Variants in ZNF536 observed in about 807,000 individuals in gnomAD.
ZNF536 encodes zinc finger protein 536.
A neutral mutation model predicts 84.5 loss-of-function variants in ZNF536; 13 were observed. The ratio of observed to expected loss-of-function variants is 0.15; its 90% CI spans 0.10 to 0.24. ZNF536 has a LOEUF of 0.24. Ranked by LOEUF, ZNF536 falls within the 10% of genes least tolerant of loss-of-function variation. ZNF536 has a pLI of 1.00. For missense variants in ZNF536, 1,536 were observed against 1,747.5 expected (o/e 0.88, Z 2.16); for synonymous variants, 811 against 742.5 (o/e 1.09, Z -1.50).
At chr19:30,341,169 C>T (rs1174344915) in intron 2 of ZNF536, among the ~76,000 whole-genome samples, 1 of 152,190 alleles carries the variant, frequency 6.6e-6, no homozygotes, top group Admixed American at 6.5e-5. Flanking sequence ...CATTCTGATG[C>T]ATCATACTGT....
At chr19:30,370,407 ACCAATGCG>A (rs1458827042), upstream of ZNF536, among the ~76,000 whole-genome samples, 1 of 152,118 alleles carries the variant, frequency 6.6e-6, no homozygotes, top group Non-Finnish European at 1.5e-5. Context: ...TCTTTGGGGA[ACCAATGCG>A]CCATAAACAT....
chr19:30,524,262 T>C (rs999249087), intron 2 of ZNF536, among the ~76,000 whole-genome samples: 7 of 152,210 alleles, frequency 4.6e-5, no homozygotes, highest in Non-Finnish European at 1.0e-4. Context: ...AGAGTATGTA[T>C]TATGTATGGT....
intron 1 of ZNF536, among the ~76,000 whole-genome samples, chr19:30,277,735 G>T (rs1215369285): frequency 6.6e-6 from 1 of 152,242 alleles, no homozygotes; most frequent in Non-Finnish European, 1.5e-5. Context: ...CGTGTCCGTT[G>T]TGGGACCCTG....
intron 1 of ZNF536, among the ~76,000 whole-genome samples, chr19:30,617,495 C>T (rs552759078): frequency 5.9e-5 from 9 of 151,500 alleles, no homozygotes; most frequent in Admixed American, 2.0e-4. Context: ...GGACGACAGG[C>T]GCCTGCCACC....
chr19:30,347,794 C>A (rs2047796424), intron 2 of ZNF536, among the ~76,000 whole-genome samples: 2 of 152,204 alleles, frequency 1.3e-5, no homozygotes, highest in African/African-American at 4.8e-5. Context: ...CCTTTCCTGA[C>A]ACTGCAAGGG....
chr19:30,434,571 A>C (rs1040076879), intron 1 of ZNF536, among the ~76,000 whole-genome samples: 12 of 152,226 alleles, frequency 7.9e-5, no homozygotes, highest in African/African-American at 2.9e-4. Context: ...CATCTTTTGT[A>C]TTGGAATAAC....
At chr19:30,511,082 T>A (rs755439984) in intron 2 of ZNF536, among the ~76,000 whole-genome samples, 17 of 152,196 alleles carry the variant, frequency 1.1e-4, no homozygotes, top group Non-Finnish European at 2.1e-4. Context: ...GTTTCAAGCA[T>A]CTTCAGTTTT....
intron 2 of ZNF536, among the ~76,000 whole-genome samples, chr19:30,523,714 A>C: frequency 6.6e-6 from 1 of 151,898 alleles, no homozygotes; most frequent in Non-Finnish European, 1.5e-5. Context: ...TGCACCTGGC[A>C]GTCAGGCACC....
At chr19:30,482,612 A>C (rs1165999149) in intron 2 of ZNF536, among the ~76,000 whole-genome samples, 1 of 152,058 alleles carries the variant, frequency 6.6e-6, no homozygotes, top group African/African-American at 2.4e-5. Flanking sequence ...TTTTAAAAAT[A>C]TTCCTTCATT....
rs543509106 is a variant in ZNF536 at position 30,518,482 on chromosome 19, T to C, written c.2171-16365T>C. Among the ~76,000 whole-genome samples, 10 of 152,330 alleles carry C rather than the reference T, an allele frequency of 6.6e-5. No homozygotes were observed. The South Asian group carries it at 2.1e-3, about 32-fold the overall frequency. The stretch of plus-strand genomic sequence containing the variant: ...TGAGGAAATGTATTCCTGTGCAATT[T>C]TCCCCGAAGGAGAAGTCAGAGGATA... On this transcript the variant is annotated intron_variant, in intron 2 of 4. Coordinates refer to ENST00000355537, the MANE Select transcript of ZNF536 (RefSeq NM_014717.3).
intron 1 of ZNF536, among the ~76,000 whole-genome samples, chr19:30,671,827 C>G (rs1366669675): frequency 1.3e-5 from 2 of 152,194 alleles, no homozygotes; most frequent in African/African-American, 2.4e-5. Context: ...TGGGAGGCTG[C>G]CAAGATCCTT....
chr19:30,631,074 T>G (rs1248443071), intron 1 of ZNF536, among the ~76,000 whole-genome samples: 2 of 152,266 alleles, frequency 1.3e-5, no homozygotes, highest in African/African-American at 4.8e-5. Context: ...CTGCAAGGGC[T>G]CCTGGAGCGG....
chr19:30,663,594 T>C (rs1267802868), intron 1 of ZNF536, among the ~76,000 whole-genome samples: 1 of 152,246 alleles, frequency 6.6e-6, no homozygotes, highest in African/African-American at 2.4e-5. Flanking sequence ...GATTTTATAA[T>C]ACTTATAAGC....
chr19:30,445,221 A>G lies in ZNF536; in HGVS notation c.1659A>G (p.Ala553=). Residue 553 remains alanine, a synonymous_variant, in exon 2 of 5, where the codon GCA becomes GCG. Coordinates refer to ENST00000355537, the MANE Select transcript of ZNF536 (RefSeq NM_014717.3). The surrounding 1 kb of genome is among the most constrained non-coding windows in gnomAD (Gnocchi z 4.5). ...PLQRNHEDTL[A]NAGVLFDKEK... is the part of the protein sequence containing the mutation. Reference sequence around the variant, plus strand: ...AGCGCAACCACGAAGACACTTTGGCAAACGCCGGGGTTCTGTTTGATAAGG... The same window carrying G: ...AGCGCAACCACGAAGACACTTTGGCGAACGCCGGGGTTCTGTTTGATAAGG... The G allele has an allele frequency of 6.2e-7, 1 of 1,614,188 alleles. No individual in the cohort carries two copies. The highest frequency in any genetic ancestry group is 8.5e-7 in the Non-Finnish European group (1 of 1,180,042).
At chr19:30,539,744 G>GTA (rs1359556273) in intron 3 of ZNF536, among the ~76,000 whole-genome samples, 1 of 152,122 alleles carries the variant, frequency 6.6e-6, no homozygotes, top group Admixed American at 6.5e-5. Flanking sequence ...TGTTTTGTGT[G>GTA]TACAGGAAGC....
In ZNF536 at chr19:30,526,663, G is replaced by T. The variant is rs1038848621; in HGVS notation, c.2171-8184G>T. 1.4e-5 allele frequency among the ~76,000 whole-genome samples: 2 copies of T among 142,048 alleles called. 1 individual carries two copies. The highest frequency in any genetic ancestry group is 3.1e-5 in the Non-Finnish European group (2 of 64,580). The allele number at this position is 142,048 out of a possible 152,430, so 93.2% of individuals were successfully genotyped here. A position where few individuals can be genotyped will look rare whatever the true frequency, so the allele number is the denominator to read the frequency against. ...GGCGTGAACCCGGGAGGCGGAGCTT[G>T]CAGTGAGCCGAGATTGCGCCACTGC... On this transcript the variant is annotated intron_variant, in intron 2 of 4. Transcript: ENST00000355537.
At chr19:30,711,098 T>C (rs1022193883) in exon 2 of ZNF536, 1 of 151,868 alleles carries the variant, frequency 6.6e-6, no homozygotes, top group African/African-American at 2.4e-5. Flanking sequence ...GAAAAAATCA[T>C]GTACAACCCC....
At chr19:30,269,457 A>T (rs142997945) in intron 1 of ZNF536, among the ~76,000 whole-genome samples, 1 of 152,316 alleles carries the variant, frequency 6.6e-6, no homozygotes, top group African/African-American at 2.4e-5. Flanking sequence ...TGGAGAGATC[A>T]GGAGGAATGA....
intron 3 of ZNF536, among the ~76,000 whole-genome samples, chr19:30,356,479 A>G (rs2048099354): frequency 6.6e-6 from 1 of 152,228 alleles, no homozygotes; most frequent in Admixed American, 6.5e-5. Context: ...CAGGAGTGGT[A>G]CTTTGGGAGC....
Sources: gnomAD v4.1 joint callset for allele counts (sites outside exome capture counted in the v4.1 genomes callset) on GRCh38, gnomAD v4.1.1 for gene constraint, Gnocchi (gnomAD v3.1) non-coding constraint, MANE v1.5 for transcripts, NCBI Gene and HGNC (gene_info 2026-07-23, HGNC 2026-07-21) for gene names.